The following ETNK1 variants were observed in gnomAD, a reference collection of about 807,000 sequenced individuals.
ETNK1 encodes the protein putative protein product of Nbla10396.
In ETNK1, 8 loss-of-function variants were observed where a neutral mutation model predicts 45.1. The observed-to-expected ratio is 0.18, with a 90% confidence interval of 0.10 to 0.32. The LOEUF is 0.32. ETNK1 is among the 10% of genes least tolerant of loss of function. ETNK1 has a pLI of 1.00. For missense variants in ETNK1, 302 were observed against 430.6 expected (o/e 0.70, Z 2.64); for synonymous variants, 152 against 151.9 (o/e 1.00, Z -0.01).
At chr12:22,639,155 C>T (rs559473082) in intron 1 of ETNK1, among the ~76,000 whole-genome samples, 2 of 152,176 alleles carry the variant, frequency 1.3e-5, no homozygotes, top group African/African-American at 4.8e-5. Context: ...GTAGAAAGAC[C>T]TACATTCTGG....
rs1228812191 is a variant in ETNK1, at chr12:22,643,951, T to C, written c.345T>C (p.Asn115=). ...CAPQLYCTFN[N]GLCYEFIQGE... ...CACAACTCTACTGTACCTTCAATAATGGACTATGCTATGAATTTATACAAG... is the reference window on the plus strand; with the variant it reads ...CACAACTCTACTGTACCTTCAATAACGGACTATGCTATGAATTTATACAAG... Residue 115 remains asparagine, a synonymous_variant, in exon 2 of 8, where the codon AAT becomes AAC. Transcript: ENST00000266517. The C allele has an allele frequency of 7.4e-6, 12 of 1,613,416 alleles. No individual in the cohort carries two copies. In the East Asian group the frequency reaches 1.8e-4, roughly 24 times the overall value.
intron 2 of ETNK1, among the ~76,000 whole-genome samples, chr12:22,647,069 G>A (rs995902795): frequency 1.3e-5 from 2 of 151,738 alleles, no homozygotes. Flanking sequence ...AGTGCCTGAC[G>A]GGTAATTCCA....
At chr12:22,679,702 GT>G (rs71444173) in intron 6 of ETNK1, among the ~76,000 whole-genome samples, 10,601 of 128,362 alleles carry the variant, frequency 0.083, 352 homozygotes, top group South Asian at 0.14. Context: ...TTGGTTTTTT[GT>G]TTTTTTTTTT....
At chr12:22,648,658 A>G (rs2137540912) in intron 2 of ETNK1, among the ~76,000 whole-genome samples, 1 of 152,208 alleles carries the variant, frequency 6.6e-6, no homozygotes, top group East Asian at 1.9e-4. Context: ...TTTAGCAATT[A>G]TGAATTAAGC....
chr12:22,684,585 T>C (rs867813013), intron 7 of ETNK1, 29 bp downstream of exon 7: 2 of 1,366,302 alleles, frequency 1.5e-6, no homozygotes, highest in African/African-American at 2.9e-5. Context: ...TATGATTACA[T>C]TGGTCTCTGC....
chr12:22,633,609 A>G (rs1953612242), intron 1 of ETNK1, among the ~76,000 whole-genome samples: 1 of 152,202 alleles, frequency 6.6e-6, no homozygotes, highest in South Asian at 2.1e-4. Flanking sequence ...TTTTGATTAT[A>G]TTTTGTGGAA....
chr12:22,636,037 G>A (rs1953651857), intron 1 of ETNK1, among the ~76,000 whole-genome samples: 2 of 152,110 alleles, frequency 1.3e-5, no homozygotes, highest in Non-Finnish European at 2.9e-5. Context: ...GGTGATGCAT[G>A]CCTTAGTCCC....
intron 1 of ETNK1, among the ~76,000 whole-genome samples, chr12:22,630,438 G>A (rs1472824): frequency 1.3e-5 from 2 of 152,236 alleles, no homozygotes; most frequent in East Asian, 1.9e-4. Context: ...TCATAGAGGT[G>A]GGGGTACCTG....
intron 5 of ETNK1, 59 bp downstream of exon 5, chr12:22,671,414 C>CT (rs952333886): frequency 8.8e-7 from 1 of 1,136,596 alleles, no homozygotes. Context: ...ATATTTCATT[C>CT]TTTTTTTAAA....
chr12:22,664,673 T>TATA (rs2137561403), intron 4 of ETNK1, among the ~76,000 whole-genome samples: 1 of 152,246 alleles, frequency 6.6e-6, no homozygotes, highest in East Asian at 1.9e-4. Flanking sequence ...GTTGCCTTAT[T>TATA]ATAGCATATA....
intron 1 of ETNK1, among the ~76,000 whole-genome samples, chr12:22,637,093 A>G (rs1953665188): frequency 6.6e-6 from 1 of 152,006 alleles, no homozygotes; most frequent in African/African-American, 2.4e-5. Context: ...TGCATACTCT[A>G]GCTGTTTTGA....
chr12:22,650,136 A>AT (rs1953856537), intron 2 of ETNK1, among the ~76,000 whole-genome samples: 1 of 151,834 alleles, frequency 6.6e-6, no homozygotes, highest in Non-Finnish European at 1.5e-5. Flanking sequence ...TGACTTTCAT[A>AT]TTTTTTTAAT....
intron 4 of ETNK1, among the ~76,000 whole-genome samples, chr12:22,669,939 A>T (rs1485062189): frequency 6.6e-6 from 1 of 152,108 alleles, no homozygotes; most frequent in Non-Finnish European, 1.5e-5. Flanking sequence ...GGGTTATAAC[A>T]TTGATTATTC....
intron 6 of ETNK1, among the ~76,000 whole-genome samples, chr12:22,680,529 A>G (rs913577046): frequency 1.3e-5 from 2 of 152,152 alleles, no homozygotes; most frequent in African/African-American, 4.8e-5. Context: ...ATGATGTTGC[A>G]TGTCTGTGTA....
At chr12:22,632,886 C>T (rs1953598904) in intron 1 of ETNK1, among the ~76,000 whole-genome samples, 1 of 152,126 alleles carries the variant, frequency 6.6e-6, no homozygotes, top group Admixed American at 6.6e-5. Context: ...GGCGTATGCC[C>T]AGATTTTGAG....
intron 6 of ETNK1, among the ~76,000 whole-genome samples, chr12:22,679,757 G>A (rs1019107514): frequency 1.4e-5 from 2 of 147,750 alleles, no homozygotes; most frequent in Admixed American, 1.4e-4. Flanking sequence ...CTTGAGTGCA[G>A]TGGCACAATC....
Position 22,689,596 on chromosome 12 carries a change from A to G in ETNK1, c.*4642A>G, listed in dbSNP as rs1954287384. On this transcript the variant is annotated 3_prime_UTR_variant, in exon 8 of 8. Coordinates refer to ENST00000266517, the MANE Select transcript of ETNK1 (RefSeq NM_018638.5). ...AAAACTAATTAGTGAAGAGTAAGAA[A>G]AAAACTAGCCAACAGAATTGTAGGT... 6.6e-6 allele frequency: 1 copy of G among 152,082 alleles called. No individual in the cohort carries two copies. Among genetic ancestry groups the G allele is most frequent in the Admixed American group, 6.6e-5 (1 of 15,262 alleles). The allele number at this position is 152,082 out of a possible 1,614,324, so 9.4% of individuals were successfully genotyped here.
rs1954284249 is a variant in ETNK1, at chr12:22,689,200, C to A, written c.*4246C>A. 3.3e-5 allele frequency: 5 copies of A among 151,804 alleles called. No homozygotes were observed. Among genetic ancestry groups the A allele is most frequent in the Admixed American group, 3.3e-4 (5 of 15,238 alleles). 9.4% of individuals were successfully genotyped at this position (151,804 alleles called of 1,614,324 possible). A position where few individuals can be genotyped will look rare whatever the true frequency, so the allele number is the denominator to read the frequency against. On this transcript the variant is annotated 3_prime_UTR_variant, in exon 8 of 8. Coordinates refer to ENST00000266517, the MANE Select transcript of ETNK1 (RefSeq NM_018638.5). The stretch of plus-strand genomic sequence containing the variant: ...ATTGCAGTTTGAAATGGAATGAAGA[C>A]CTGAATTATTTGGGTAGAAAAAATT...
chr12:22,659,902 A>G (rs569891161), intron 3 of ETNK1, among the ~76,000 whole-genome samples: 6 of 152,218 alleles, frequency 3.9e-5, no homozygotes, highest in African/African-American at 1.2e-4. Flanking sequence ...CCAATAGAAA[A>G]TAATACAACT....
Sources: gnomAD v4.1 joint callset for allele counts (sites outside exome capture counted in the v4.1 genomes callset) on GRCh38, gnomAD v4.1.1 for gene constraint, MANE v1.5 for transcripts, NCBI Gene and HGNC (gene_info 2026-07-23, HGNC 2026-07-21) for gene names.